Variants in AVPR2 observed in about 807,000 individuals in gnomAD.
AVPR2 encodes vasopressin V2 receptor.
Under a neutral mutation model 12.0 loss-of-function variants are expected in AVPR2, and 3 were observed. That is an observed-to-expected ratio of 0.25 (90% CI 0.11 to 0.64). The LOEUF is 0.64. Ranked by LOEUF, AVPR2 falls within the 30% of genes least tolerant of loss-of-function variation. The probability of loss-of-function intolerance (pLI) is 0.84; values close to 1 mark genes in which losing one functional copy is unlikely to be tolerated. For missense variants in AVPR2, 279 were observed against 347.9 expected (o/e 0.80, Z 1.58); for synonymous variants, 143 against 147.5 (o/e 0.97, Z 0.22).
intron 2 of AVPR2, 152 bp downstream of exon 2, chrX:153,905,322 G>A (rs1261496895): frequency 2.3e-5 from 22 of 954,834 alleles, no homozygotes; most frequent in East Asian, 3.3e-5. Flanking sequence ...CCACTTCCCC[G>A]CCAGGGCTGG....
At position 153,905,758 on chromosome X, in the gene AVPR2, C is replaced by T. The variant is rs370880911; in HGVS notation, c.252C>T (p.Ala84=). 49 of 1,208,802 alleles carry T rather than the reference C, an allele frequency of 4.1e-5. No homozygotes were observed. The African/African-American group carries it at 6.9e-4, about 17-fold the overall frequency. Residue 84 remains alanine, a synonymous_variant, in exon 3 of 4, where the codon GCC becomes GCT. Transcript: ENST00000646375. ...TCTTCATTGGCCACTTGTGCCTGGC[C>T]GACCTGGCCGTGGCTCTGTTCCAAG... ...IHVFIGHLCL[A]DLAVALFQVL...
In AVPR2 at chrX:153,904,783, C is replaced by T. The variant is rs781962500; in HGVS notation, c.-173+12C>T. 21 of 345,126 alleles carry T rather than the reference C, an allele frequency of 6.1e-5. No individual in the cohort carries two copies. Among genetic ancestry groups the T allele is most frequent in the Middle Eastern group, 8.6e-4 (1 of 1,160 alleles). 28.4% of individuals were successfully genotyped at this position (345,126 alleles called of 1,213,427 possible). A position where few individuals can be genotyped will look rare whatever the true frequency, so the allele number is the denominator to read the frequency against. On this transcript the variant is annotated intron_variant, in intron 1 of 3. Transcript: ENST00000646375. ...AGGAGCCCAGCCAGGTAAGGGGCTG[C>T]GCCTGCCTGCCCCCCTGCCCAGTCC... is the stretch of plus-strand genomic sequence containing the variant.
In AVPR2 at chrX:153,905,186, C is replaced by T; in HGVS notation, c.25+16C>T. 1 of 1,211,756 alleles carries T rather than the reference C, an allele frequency of 8.3e-7. No homozygotes were observed. The highest frequency in any genetic ancestry group is 1.1e-6 in the Non-Finnish European group (1 of 895,194). The stretch of plus-strand genomic sequence containing the variant: ...ACCACTTCCGGTAAGGCTTGCCCCT[C>T]CATGAGTCCGGTGGGCAGAGTGGGT... On this transcript the variant is annotated intron_variant, in intron 2 of 3. Coordinates refer to ENST00000646375, the MANE Select transcript of AVPR2 (RefSeq NM_000054.7).
Position 153,906,285 on chromosome X carries a change from C to G in AVPR2, c.779C>G (p.Ala260Gly). The G allele has an allele frequency of 8.2e-7, 1 of 1,212,257 alleles. No homozygotes were observed. The highest frequency in any genetic ancestry group is 1.8e-5 in the South Asian group (1 of 57,049). The change falls in exon 3 of 4, where the codon GCC becomes GGC. Residue 260 changes from alanine to glycine, a missense_variant. Ala to Gly is a moderately conservative substitution (Grantham distance 60, BLOSUM62 0). Transcript: ENST00000646375. ...CGGACAGGCAGCCCCGGTGAGGGAG[C>G]CCACGTGTCAGCAGCTGTGGCCAAG... ...GRRTGSPGEG[A>G]HVSAAVAKTV...
chrX:153,903,558 G>A (rs1212755765), upstream of AVPR2, among the ~76,000 whole-genome samples: 2 of 111,091 alleles, frequency 1.8e-5, no homozygotes, highest in African/African-American at 6.6e-5. Flanking sequence ...TGTGTGGTGG[G>A]TGCATGTGTG....
upstream of AVPR2, among the ~76,000 whole-genome samples, chrX:153,904,091 A>T (rs2064947609): frequency 8.9e-6 from 1 of 112,597 alleles, no homozygotes. Flanking sequence ...GCCCGTGAGC[A>T]CACGGAGGTC....
At chrX:153,902,759 A>AG (rs1213720054), upstream of AVPR2, 5 of 328,435 alleles carry the variant, frequency 1.5e-5, no homozygotes, top group Non-Finnish European at 2.9e-5. Context: ...CGAGGAGTCC[A>AG]GGGGGGCAGA....
upstream of AVPR2, among the ~76,000 whole-genome samples, chrX:153,904,232 C>G (rs1370623271): frequency 8.9e-6 from 1 of 112,089 alleles, no homozygotes; most frequent in Non-Finnish European, 1.9e-5. Context: ...TCCTGTCCCT[C>G]GTCTCCGGCC....
Position 153,906,840 on chromosome X carries a change from T to C in AVPR2, c.*112T>C. 1.2e-6 allele frequency: 1 copy of C among 828,284 alleles called. No individual in the cohort carries two copies. Among genetic ancestry groups the C allele is most frequent in the Admixed American group, 2.6e-5 (1 of 38,369 alleles). 68.3% of individuals were successfully genotyped at this position (828,284 alleles called of 1,213,427 possible). On this transcript the variant is annotated 3_prime_UTR_variant, in exon 4 of 4. Coordinates refer to ENST00000646375, the MANE Select transcript of AVPR2 (RefSeq NM_000054.7). ...CCCGTGGAGAATTGGCCAGAGCCTG[T>C]GGCCCCGAGGCTGGGACACTGTGTG...
rs781840600 is a variant in AVPR2, at chrX:153,905,516, C to A, written c.26-16C>A. 1.7e-6 allele frequency: 2 copies of A among 1,174,993 alleles called. No individual in the cohort carries two copies. The highest frequency in any genetic ancestry group is 2.3e-6 in the Non-Finnish European group (2 of 875,866). On this transcript the variant is annotated splice_polypyrimidine_tract_variant and intron_variant, in intron 2 of 3. Coordinates refer to ENST00000646375, the MANE Select transcript of AVPR2 (RefSeq NM_000054.7). ...GCACCCTCTCTAACCAGGCCCTCTT[C>A]CCGACTCCTTCCCAGCTGTGCCTGG...
Position 153,906,172 on chromosome X carries a change from C to T in AVPR2, c.666C>T (p.Ala222=), listed in dbSNP as rs782635971. The T allele has an allele frequency of 1.6e-5, 20 of 1,212,240 alleles. No homozygotes were observed. The highest frequency in any genetic ancestry group is 2.1e-5 in the Non-Finnish European group (19 of 895,585). ...TCGTGGCACCTACCCTGGGTATCGCCGCCTGCCAGGTGCTCATCTTCCGGG... is the reference window on the plus strand; with the variant it reads ...TCGTGGCACCTACCCTGGGTATCGCTGCCTGCCAGGTGCTCATCTTCCGGG... ...MVFVAPTLGI[A]ACQVLIFREI... Residue 222 remains alanine (A), a synonymous_variant, in exon 3 of 4, where the codon GCC becomes GCT. Transcript: ENST00000646375.
chrX:153,903,180 C>A (rs2064942027), upstream of AVPR2, among the ~76,000 whole-genome samples: 1 of 112,968 alleles, frequency 8.9e-6, no homozygotes, highest in Non-Finnish European at 1.9e-5. Context: ...TTCCACTGAT[C>A]TGGGTGGCAT....
chrX:153,906,410 C>T lies in AVPR2; in HGVS notation c.904C>T (p.Leu302=). The T allele has an allele frequency of 1.7e-6, 2 of 1,208,258 alleles. No individual in the cohort carries two copies. Among genetic ancestry groups the T allele is most frequent in the Non-Finnish European group, 1.1e-6 (1 of 892,847 alleles). Residue 302 remains leucine, a synonymous_variant, in exon 3 of 4, where the codon CTG becomes TTG. Transcript: ENST00000646375. ...GGCCGCGTGGGACCCGGAGGCACCT[C>T]TGGAAGGTGGGTGTAGCCGTGGCTA... ...LWAAWDPEAP[L]EGAPFVLLML...
intron 2 of AVPR2, 57 bp from the exon 3 acceptor site, chrX:153,905,475 T>C (rs2064955880): frequency 9.1e-7 from 1 of 1,097,908 alleles, no homozygotes; most frequent in Admixed American, 2.6e-5. Flanking sequence ...GAGGCAGGCC[T>C]GAGTCCCCCT....
At chrX:153,904,906 C>A in intron 1 of AVPR2, 68 bp from the exon 2 acceptor site, 1 of 475,673 alleles carries the variant, frequency 2.1e-6, no homozygotes, top group Non-Finnish European at 3.7e-6. Flanking sequence ...GACTCATGGG[C>A]TGCCTGGGGG....
Position 153,905,585 on chromosome X carries a change from A to G in AVPR2, c.79A>G (p.Arg27Gly), listed in dbSNP as rs782494738. The stretch of plus-strand genomic sequence containing the variant: ...CCTGCCCAGCAACAGCAGCCAGGAG[A>G]GGCCACTGGACACCCGGGACCCGCT... ...PSLPSNSSQE[R>G]PLDTRDPLLA... Residue 27 changes from arginine to glycine, a missense_variant, in exon 3 of 4, where the codon AGG (arginine) becomes GGG (glycine). Physicochemically the swap from Arg to Gly is moderately radical, Grantham distance 125. Coordinates refer to ENST00000646375, the MANE Select transcript of AVPR2 (RefSeq NM_000054.7). The G allele has an allele frequency of 1.7e-6, 2 of 1,204,292 alleles. No individual in the cohort carries two copies. The highest frequency in any genetic ancestry group is 6.0e-5 in the East Asian group (2 of 33,400).
chrX:153,907,010 G>A lies in AVPR2; in HGVS notation c.*282G>A, dbSNP rs782404692. On this transcript the variant is annotated 3_prime_UTR_variant, in exon 4 of 4. Coordinates refer to ENST00000646375, the MANE Select transcript of AVPR2 (RefSeq NM_000054.7). ...GGCTGCAGCAGAGGCCTGAGGAGTG[G>A]CAGGAAAGAGGGAGCAGGTGCCCCC... The A allele has an allele frequency of 6.0e-4, 282 of 471,941 alleles. No homozygotes were observed. The highest frequency in any genetic ancestry group is 9.4e-4 in the Non-Finnish European group (245 of 261,258). 38.9% of individuals were successfully genotyped at this position (471,941 alleles called of 1,213,427 possible).
In AVPR2 at chrX:153,906,752, T is replaced by C. The variant is rs2064971347; in HGVS notation, c.*24T>C. The C allele has an allele frequency of 8.4e-7, 1 of 1,189,010 alleles. No individual in the cohort carries two copies. Among genetic ancestry groups the C allele is most frequent in the African/African-American group, 1.7e-5 (1 of 57,291 alleles). ...GAGGAGCTGTTGGGTGTCTTGCCTC[T>C]AGAGGCTTTGAGAAGCTCAGCTGCC... On this transcript the variant is annotated 3_prime_UTR_variant, in exon 4 of 4. Transcript: ENST00000646375.
Position 153,906,905 on chromosome X carries a change from C to A in AVPR2, c.*177C>A, listed in dbSNP as rs1557101245. 2 of 549,497 alleles carry A rather than the reference C, an allele frequency of 3.6e-6. No homozygotes were observed. The highest frequency in any genetic ancestry group is 6.2e-6 in the Non-Finnish European group (2 of 320,037). The allele number at this position is 549,497 out of a possible 1,213,427, so 45.3% of individuals were successfully genotyped here. A position where few individuals can be genotyped will look rare whatever the true frequency, so the allele number is the denominator to read the frequency against. ...ACAGCCCCTGCCTGGGTCTCCACAT[C>A]CCCAGCTGTATGAGGAGAGCTTCAG... On this transcript the variant is annotated 3_prime_UTR_variant, in exon 4 of 4. Transcript: ENST00000646375.
Sources: gnomAD v4.1 joint callset for allele counts (sites outside exome capture counted in the v4.1 genomes callset) on GRCh38, gnomAD v4.1.1 for gene constraint, MANE v1.5 for transcripts, NCBI Gene and HGNC (gene_info 2026-07-23, HGNC 2026-07-21) for gene names.